SLC1A1: variants seen among roughly 807,000 people sequenced by gnomAD.
The protein encoded by SLC1A1 is excitatory amino acid transporter 3.
Under a neutral mutation model 53.3 loss-of-function variants are expected in SLC1A1, and 43 were observed. That is an observed-to-expected ratio of 0.81 (90% CI 0.63 to 1.04). The LOEUF (loss-of-function observed/expected upper bound fraction) is 1.04. SLC1A1 is among the 50% of genes least tolerant of loss of function. SLC1A1 has a pLI of 0.00. For synonymous variants in SLC1A1, 307 were observed against 243.2 expected, an observed-to-expected ratio of 1.26 and a Z score of -2.44; for missense variants, 748 against 664.9, an observed-to-expected ratio of 1.12 and a Z score of -1.37.
chr9:4,536,232 G>C (rs1014024264), intron 1 of SLC1A1, among the ~76,000 whole-genome samples: 1 of 152,232 alleles, frequency 6.6e-6, no homozygotes, highest in South Asian at 2.1e-4. Flanking sequence ...CACAGCAAAA[G>C]AAACTGCCAT....
At chr9:4,567,055 G>T (rs1167329097) in intron 5 of SLC1A1, among the ~76,000 whole-genome samples, 1 of 152,118 alleles carries the variant, frequency 6.6e-6, no homozygotes, top group Non-Finnish European at 1.5e-5. Flanking sequence ...GCCTGGTAGT[G>T]GGGGACATTT....
At chr9:4,554,782 A>G (rs1034594203) in intron 2 of SLC1A1, among the ~76,000 whole-genome samples, 5 of 152,252 alleles carry the variant, frequency 3.3e-5, no homozygotes, top group African/African-American at 1.2e-4. Flanking sequence ...CACCTGATTT[A>G]TGTTTTTAAA....
At chr9:4,576,905 G>A (rs1032767607) in intron 10 of SLC1A1, 142 bp downstream of exon 10, 44 of 808,678 alleles carry the variant, frequency 5.4e-5, no homozygotes, top group African/African-American at 4.9e-4. Flanking sequence ...GATTAAATAC[G>A]ACTATATCCT....
Position 4,576,053 on chromosome 9 carries a change from C to G in SLC1A1, c.928C>G (p.Arg310Gly). The change falls in exon 9 of 12, where the codon CGA (arginine) becomes GGA (glycine). Residue 310 changes from arginine to glycine, a missense_variant. Transcript: ENST00000262352. The part of the protein sequence containing the change: ...ILPLIYFIVV[R>G]KNPFRFAMGM... ...CCCGCTGATATATTTCATAGTCGTACGAAAGAACCCTTTCCGATTTGCCAT... is the reference window on the plus strand; with the variant it reads ...CCCGCTGATATATTTCATAGTCGTAGGAAAGAACCCTTTCCGATTTGCCAT... 2 of 1,613,334 alleles carry G rather than the reference C, an allele frequency of 1.2e-6. No individual in the cohort carries two copies. The highest frequency in any genetic ancestry group is 2.7e-5 in the African/African-American group (2 of 75,022).
intron 1 of SLC1A1, among the ~76,000 whole-genome samples, chr9:4,533,368 G>A (rs1190928913): frequency 2.0e-5 from 3 of 152,098 alleles, no homozygotes; most frequent in Non-Finnish European, 2.9e-5. Flanking sequence ...GATGGAGGAA[G>A]ATCTACCAAG....
At chr9:4,513,905 T>TA (rs1441025630) in intron 1 of SLC1A1, among the ~76,000 whole-genome samples, 1 of 152,152 alleles carries the variant, frequency 6.6e-6, no homozygotes, top group African/African-American at 2.4e-5. Context: ...AGATGAATCT[T>TA]AGAGGCATTA....
At chr9:4,547,783 A>G (rs988632601) in intron 2 of SLC1A1, among the ~76,000 whole-genome samples, 4 of 152,176 alleles carry the variant, frequency 2.6e-5, no homozygotes, top group African/African-American at 9.7e-5. Flanking sequence ...TATTGTATAC[A>G]TATGTATACA....
At position 4,580,592 on chromosome 9, in the gene SLC1A1, A is replaced by AT. The variant is rs1314404600; in HGVS notation, c.1194-2446_1194-2445insT. Among the ~76,000 whole-genome samples the AT allele has an allele frequency of 8.8e-5, 7 of 79,248 alleles. No homozygotes were observed. In the East Asian group the frequency reaches 3.2e-3, roughly 36 times the overall value. The allele number at this position is 79,248 out of a possible 152,430, so 52.0% of individuals were successfully genotyped here. On this transcript the variant is annotated intron_variant, in intron 10 of 11. Coordinates refer to ENST00000262352, the MANE Select transcript of SLC1A1 (RefSeq NM_004170.6). ...TGAGACCTTGTCTCTGGAAAAAAAA[A>AT]AAATATATATGTGTGTGTGTGTGTG...
rs369270825 is a variant in SLC1A1, at chr9:4,576,594, C to T, written c.1024C>T (p.Arg342Cys). Residue 342 changes from arginine (R) to cysteine (C), a missense_variant, in exon 10 of 12, where the codon CGC (arginine) becomes TGC (cysteine). Physicochemically the swap from Arg to Cys is radical, Grantham distance 180. Transcript: ENST00000262352. ...TTCAGCAACACTGCCTGTCACCTTC[C>T]GCTGTGCTGAAGAAAATAACCAGGT... is the stretch of plus-strand genomic sequence containing the variant. ...SSSATLPVTF[R>C]CAEENNQVDK... 27 of 1,614,012 alleles carry T rather than the reference C, an allele frequency of 1.7e-5. No individual in the cohort carries two copies. The highest frequency in any genetic ancestry group is 2.2e-5 in the East Asian group (1 of 44,888).
Position 4,583,719 on chromosome 9 carries a change from T to C in SLC1A1, c.1328+547T>C, listed in dbSNP as rs1821313391. Among the ~76,000 whole-genome samples the C allele has an allele frequency of 6.6e-6, 1 of 152,156 alleles. No homozygotes were observed. Among genetic ancestry groups the C allele is most frequent in the Non-Finnish European group, 1.5e-5 (1 of 68,028 alleles). ...AAATCTGCCTATGTCATTGGGTTGT[T>C]TTAAGGACTGAGTGAGCTCATGTGA... On this transcript the variant is annotated intron_variant, in intron 11 of 11. Coordinates refer to ENST00000262352, the MANE Select transcript of SLC1A1 (RefSeq NM_004170.6). The surrounding 1 kb of genome is among the most constrained non-coding windows in gnomAD (Gnocchi z 4.6).
intron 1 of SLC1A1, among the ~76,000 whole-genome samples, chr9:4,513,949 T>C (rs1278738461): frequency 6.6e-6 from 1 of 152,176 alleles, no homozygotes; most frequent in Non-Finnish European, 1.5e-5. Flanking sequence ...ACAACTTACA[T>C]AGAATATGAT....
chr9:4,506,781 G>A (rs185905440), intron 1 of SLC1A1, among the ~76,000 whole-genome samples: 1 of 152,188 alleles, frequency 6.6e-6, no homozygotes, highest in African/African-American at 2.4e-5. Flanking sequence ...CTAGGGAAAA[G>A]GGTTGGCAGA....
chr9:4,546,144 C>T (rs1370238363), intron 2 of SLC1A1, among the ~76,000 whole-genome samples: 1 of 152,178 alleles, frequency 6.6e-6, no homozygotes, highest in Non-Finnish European at 1.5e-5. Flanking sequence ...TTGAATTTCC[C>T]AAATGCCAAA....
chr9:4,572,007 C>T (rs1402218872), intron 6 of SLC1A1, among the ~76,000 whole-genome samples, 197 bp from the exon 7 acceptor site: 1 of 152,200 alleles, frequency 6.6e-6, no homozygotes, highest in East Asian at 1.9e-4. Context: ...ATTTTAACTT[C>T]GGGGAGCAAG....
intron 1 of SLC1A1, among the ~76,000 whole-genome samples, chr9:4,494,939 G>A (rs1463445232): frequency 2.6e-5 from 4 of 152,104 alleles, no homozygotes; most frequent in Admixed American, 1.3e-4. Context: ...AAAAGCAATA[G>A]GTATTGGCAT....
At chr9:4,527,624 T>C (rs17756150) in intron 1 of SLC1A1, among the ~76,000 whole-genome samples, 5,117 of 152,274 alleles carry the variant, frequency 0.034, 148 homozygotes, top group South Asian at 0.056. Flanking sequence ...TCATTTTAGA[T>C]AAAATTTCCA....
intron 6 of SLC1A1, among the ~76,000 whole-genome samples, chr9:4,569,160 G>C (rs897390576): frequency 1.3e-5 from 2 of 152,118 alleles, no homozygotes; most frequent in Non-Finnish European, 1.5e-5. Flanking sequence ...CTATAGATTT[G>C]TCAGGTACAT....
At chr9:4,499,153 T>C (rs1402989793) in intron 1 of SLC1A1, among the ~76,000 whole-genome samples, 1 of 151,440 alleles carries the variant, frequency 6.6e-6, no homozygotes, top group African/African-American at 2.4e-5. Context: ...CAAGCGATTC[T>C]TCTGCCTTAG....
At position 4,585,903 on chromosome 9, in the gene SLC1A1, T is replaced by C. The variant is rs1821536413; in HGVS notation, c.*345T>C. On this transcript the variant is annotated 3_prime_UTR_variant, in exon 12 of 12. Coordinates refer to ENST00000262352, the MANE Select transcript of SLC1A1 (RefSeq NM_004170.6). ...GCTTTCTCATGCATAGACAAGTGTTTTGGGTTTTTAAAAAAAATATTCTGT... is the reference window on the plus strand; with the variant it reads ...GCTTTCTCATGCATAGACAAGTGTTCTGGGTTTTTAAAAAAAATATTCTGT... 1 of 218,796 alleles carries C rather than the reference T, an allele frequency of 4.6e-6. No individual in the cohort carries two copies. Among genetic ancestry groups the C allele is most frequent in the African/African-American group, 2.3e-5 (1 of 43,068 alleles). The allele number at this position is 218,796 out of a possible 1,614,324, so 13.6% of individuals were successfully genotyped here. A position where few individuals can be genotyped will look rare whatever the true frequency, so the allele number is the denominator to read the frequency against.
Sources: gnomAD v4.1 joint callset for allele counts (sites outside exome capture counted in the v4.1 genomes callset) on GRCh38, gnomAD v4.1.1 for gene constraint, Gnocchi (gnomAD v3.1) non-coding constraint, MANE v1.5 for transcripts, NCBI Gene and HGNC (gene_info 2026-07-23, HGNC 2026-07-21) for gene names.